Variants in SLC25A27 observed in about 807,000 individuals in gnomAD.
SLC25A27 encodes the protein mitochondrial uncoupling protein 4.
In SLC25A27, 35 loss-of-function variants were observed where a neutral mutation model predicts 49.1. The observed-to-expected ratio is 0.71, with a 90% CI of 0.54 to 0.95. SLC25A27 has a LOEUF of 0.95. Ranked by LOEUF, SLC25A27 falls within the 40% of genes least tolerant of loss-of-function variation. The pLI, the probability that SLC25A27 is intolerant of heterozygous loss-of-function variation, is 0.00. For missense variants in SLC25A27, 339 were observed against 397.1 expected (o/e 0.85, Z 1.24); for synonymous variants, 144 against 136.9 (o/e 1.05, Z -0.36).
At chr6:46,671,586 CAA>C (rs566899122) in intron 8 of SLC25A27, among the ~76,000 whole-genome samples, 1 of 150,108 alleles carries the variant, frequency 6.7e-6, no homozygotes, top group African/African-American at 2.4e-5. Context: ...ACCTCTCCTA[CAA>C]AAAAAAATAC....
At chr6:46,663,045 C>A (rs549306966) in intron 4 of SLC25A27, among the ~76,000 whole-genome samples, 3 of 152,270 alleles carry the variant, frequency 2.0e-5, no homozygotes, top group East Asian at 3.9e-4. Flanking sequence ...CATCTTGAAG[C>A]CCTCTTTTTC....
chr6:46,665,175 TC>T (rs1763281752), intron 5 of SLC25A27, among the ~76,000 whole-genome samples: 1 of 152,148 alleles, frequency 6.6e-6, no homozygotes, highest in Non-Finnish European at 1.5e-5. Context: ...GTCCAGACCT[TC>T]CTTTAAGATT....
intron 4 of SLC25A27, among the ~76,000 whole-genome samples, 163 bp from the exon 5 acceptor site, chr6:46,664,611 T>C (rs1763265583): frequency 6.6e-6 from 1 of 152,258 alleles, no homozygotes; most frequent in South Asian, 2.1e-4. Flanking sequence ...TGTTTATCTG[T>C]AAATTAGACT....
intron 5 of SLC25A27, among the ~76,000 whole-genome samples, chr6:46,665,618 G>A (rs866787616): frequency 1.2e-4 from 18 of 152,184 alleles, no homozygotes; most frequent in Middle Eastern, 3.4e-3. Flanking sequence ...CCCGGGAGGC[G>A]AAGCTTGCAG....
intron 3 of SLC25A27, among the ~76,000 whole-genome samples, chr6:46,660,384 AAACT>A (rs1294917070): frequency 1.3e-5 from 2 of 152,198 alleles, no homozygotes; most frequent in African/African-American, 4.8e-5. Flanking sequence ...AAATTAATTA[AAACT>A]AACTTTAAGC....
intron 8 of SLC25A27, among the ~76,000 whole-genome samples, chr6:46,674,943 A>C (rs1430596309): frequency 2.0e-5 from 3 of 152,202 alleles, no homozygotes; most frequent in Non-Finnish European, 2.9e-5. Flanking sequence ...CAAAAGATAG[A>C]CCAAAAGAAA....
At position 46,656,220 on chromosome 6, in the gene SLC25A27, G is replaced by T. The variant is rs371549061; in HGVS notation, c.298+186G>T. Among the ~76,000 whole-genome samples, 6 of 151,120 alleles carry T rather than the reference G, an allele frequency of 4.0e-5. No individual in the cohort carries two copies. The East Asian group carries it at 1.2e-3, about 29-fold the overall frequency. ...TTTTGAGATGGAGTCACACTCTGTC[G>T]CCCAGGCTGTAGTGCAGTGGCGCCA... is the stretch of plus-strand genomic sequence containing the variant. On this transcript the variant is annotated intron_variant, in intron 2 of 8. Coordinates refer to ENST00000371347, the MANE Select transcript of SLC25A27 (RefSeq NM_004277.5).
chr6:46,653,450 G>A, intron 1 of SLC25A27, 152 bp downstream of exon 1: 6 of 1,430,124 alleles, frequency 4.2e-6, no homozygotes, highest in Non-Finnish European at 5.4e-6. Context: ...GGCCAGGCCC[G>A]CGGTGGGAGG....
At chr6:46,653,937 A>C (rs181530762) in intron 1 of SLC25A27, 1 of 829,860 alleles carries the variant, frequency 1.2e-6, no homozygotes, top group Admixed American at 6.2e-5. Flanking sequence ...CCCAGTTCTG[A>C]CCTTCTTACA....
intron 5 of SLC25A27, 126 bp downstream of exon 5, chr6:46,665,012 C>T: frequency 2.1e-6 from 1 of 481,222 alleles, no homozygotes; most frequent in South Asian, 4.3e-5. Context: ...TGTTGACTGG[C>T]TGTATAGATG....
chr6:46,664,050 T>C (rs1763247903), intron 4 of SLC25A27, among the ~76,000 whole-genome samples: 1 of 152,192 alleles, frequency 6.6e-6, no homozygotes, highest in Admixed American at 6.5e-5. Flanking sequence ...ATATGTGATA[T>C]TATCTTTTTG....
At chr6:46,667,340 C>A (rs1298362955) in intron 5 of SLC25A27, among the ~76,000 whole-genome samples, 1 of 152,168 alleles carries the variant, frequency 6.6e-6, no homozygotes, top group Non-Finnish European at 1.5e-5. Context: ...ACTGGGATTA[C>A]TGCTCTGCCT....
intron 6 of SLC25A27, 86 bp downstream of exon 6, chr6:46,668,879 G>T: frequency 1.3e-6 from 1 of 787,328 alleles, no homozygotes; most frequent in Non-Finnish European, 2.2e-6. Context: ...AGGCTCATTT[G>T]ATTGGGATTG....
intron 5 of SLC25A27, among the ~76,000 whole-genome samples, chr6:46,667,238 G>A (rs1422494267): frequency 2.6e-5 from 4 of 151,868 alleles, no homozygotes; most frequent in African/African-American, 9.7e-5. Context: ...TTCCATATTC[G>A]GTTTGCTGGC....
chr6:46,656,188 G>GT (rs1010310076), intron 2 of SLC25A27, among the ~76,000 whole-genome samples, 154 bp downstream of exon 2: 59 of 147,856 alleles, frequency 4.0e-4, no homozygotes, highest in African/African-American at 9.4e-4. Flanking sequence ...TATTATTTAG[G>GT]TTTTTTTTTT....
rs751743427 is a variant in SLC25A27, at chr6:46,671,118, C to G, written c.798-8C>G. 1.9e-6 allele frequency: 3 copies of G among 1,562,526 alleles called. No homozygotes were observed. The Admixed American group carries it at 5.7e-5, about 29-fold the overall frequency. On this transcript the variant is annotated splice_region_variant and splice_polypyrimidine_tract_variant and intron_variant, in intron 7 of 8. Transcript: ENST00000371347. Reference sequence around the variant, plus strand: ...AAAAAAATTAAAAGGATCTTGTTTCCTTTTTAGGGGACTTTTGTATAAATC... The same window carrying G: ...AAAAAAATTAAAAGGATCTTGTTTCGTTTTTAGGGGACTTTTGTATAAATC...
intron 5 of SLC25A27, among the ~76,000 whole-genome samples, chr6:46,666,967 G>A (rs1336203687): frequency 6.6e-6 from 1 of 152,038 alleles, no homozygotes; most frequent in Admixed American, 6.6e-5. Flanking sequence ...CATTCCTGGA[G>A]CCATTCTGTA....
intron 4 of SLC25A27, among the ~76,000 whole-genome samples, chr6:46,662,735 C>T (rs1763199822): frequency 6.6e-6 from 1 of 152,162 alleles, no homozygotes; most frequent in South Asian, 2.1e-4. Context: ...TTTTCCCAGC[C>T]AAGGCTAGAC....
chr6:46,671,022 G>T (rs543605319), intron 7 of SLC25A27, 104 bp from the exon 8 acceptor site: 475 of 786,834 alleles, frequency 6.0e-4, no homozygotes, highest in Non-Finnish European at 8.6e-4. Flanking sequence ...AAGCCACCGC[G>T]CCCGGCCAAT....
Sources: allele counts gnomAD v4.1 joint callset (sites outside exome capture counted in the v4.1 genomes callset), GRCh38; gene constraint gnomAD v4.1.1; transcripts MANE v1.5; gene names NCBI Gene and HGNC (gene_info 2026-07-23, HGNC 2026-07-21).